The following RBPJ variants were observed in gnomAD, a reference collection of about 807,000 sequenced individuals.
RBPJ encodes recombining binding protein suppressor of hairless.
Under a neutral mutation model 67.8 loss-of-function variants are expected in RBPJ, and 9 were observed. That is an observed-to-expected ratio of 0.13 (90% CI 0.08 to 0.23). The LOEUF (loss-of-function observed/expected upper bound fraction) is 0.23, where lower values mean the gene tolerates loss of function less well. RBPJ is among the 10% of genes least tolerant of loss of function. RBPJ has a pLI of 1.00. For missense variants in RBPJ, 305 were observed against 595.6 expected, an observed-to-expected ratio of 0.51 and a Z score of 5.08; for synonymous variants, 198 against 203.3, an observed-to-expected ratio of 0.97 and a Z score of 0.22.
chr4:26,337,572 T>C (rs1422268407), intron 1 of RBPJ, among the ~76,000 whole-genome samples: 1 of 152,036 alleles, frequency 6.6e-6, no homozygotes, highest in East Asian at 1.9e-4. Flanking sequence ...TCTGTGCATG[T>C]GTGAAGGTAA....
chr4:26,393,874 C>T lies in RBPJ; in HGVS notation c.59+7483C>T, dbSNP rs551975774. ...AAATCTTTGAAACACTATTCTTACT[C>T]CCATTTTCCAAATTAAGCAATATTG... On this transcript the variant is annotated intron_variant, in intron 2 of 10. Coordinates refer to ENST00000355476, the MANE Select transcript of RBPJ (RefSeq NM_015874.6). Among the ~76,000 whole-genome samples the T allele has an allele frequency of 1.3e-4, 20 of 152,082 alleles. No homozygotes were observed. In the East Asian group the frequency reaches 2.5e-3, roughly 19 times the overall value.
At chr4:26,410,101 C>G in intron 3 of RBPJ, 1 of 451,922 alleles carries the variant, frequency 2.2e-6, no homozygotes, top group Admixed American at 2.4e-5. Context: ...GTCAAACTGC[C>G]CTGGATTCAG....
intron 1 of RBPJ, among the ~76,000 whole-genome samples, chr4:26,270,091 G>A (rs184811042): frequency 1.7e-4 from 26 of 151,440 alleles, no homozygotes; most frequent in South Asian, 1.7e-3. Context: ...AGACCAGTCC[G>A]GGCAACATGG....
intron 1 of RBPJ, among the ~76,000 whole-genome samples, chr4:26,302,993 C>T (rs1195560913): frequency 2.0e-5 from 3 of 151,518 alleles, no homozygotes; most frequent in Non-Finnish European, 2.9e-5. Context: ...CCAGACTGGC[C>T]AACATAGTCA....
At chr4:26,109,430 C>G in the RBPJ span, among the ~76,000 whole-genome samples, 2 of 27,242 alleles carry the variant, frequency 7.3e-5, no homozygotes. Flanking sequence ...CTCTCCCTCT[C>G]TCTCTCTCTC....
rs140318697 is a variant in RBPJ, at chr4:26,241,913, T to C, written c.-167+78299T>C. ...AGAATTTGAAGCAGTACTTCATATG[T>C]TTCACTGATTAATGCTACCAGTAGC... is the stretch of plus-strand genomic sequence containing the variant. On this transcript the variant is annotated intron_variant, in intron 1 of 4. Coordinates refer to the RBPJ transcript ENST00000512351. Among the ~76,000 whole-genome samples, 10 of 152,278 alleles carry C rather than the reference T, an allele frequency of 6.6e-5. No individual in the cohort carries two copies. The East Asian group carries it at 1.7e-3, about 26-fold the overall frequency.
intron 1 of RBPJ, among the ~76,000 whole-genome samples, chr4:26,300,442 G>A (rs1397731): frequency 0.13 from 19,788 of 152,122 alleles, 2,257 homozygotes; most frequent in African/African-American, 0.31. Flanking sequence ...GAGCCTAAAC[G>A]GCAAACTTAA....
intron 2 of RBPJ, among the ~76,000 whole-genome samples, chr4:26,391,588 T>C (rs747409635): frequency 7.9e-5 from 12 of 152,196 alleles, no homozygotes; most frequent in Non-Finnish European, 1.5e-4. Context: ...AAATGTTGTT[T>C]ATTAGGCTAA....
intron 3 of RBPJ, chr4:26,409,913 G>A (rs1733852335): frequency 3.0e-6 from 1 of 335,110 alleles, no homozygotes; most frequent in Admixed American, 4.2e-5. Context: ...CAAAAATGAT[G>A]AAAAGGCCAG....
intron 5 of RBPJ, 167 bp downstream of exon 5, chr4:26,420,892 G>C (rs1735068210): frequency 5.3e-6 from 3 of 571,386 alleles, no homozygotes; most frequent in Non-Finnish European, 9.1e-6. Context: ...ACAGTATGTG[G>C]TCTAATGAAG....
intron 1 of RBPJ, among the ~76,000 whole-genome samples, chr4:26,296,080 T>C (rs1360520947): frequency 1.3e-5 from 2 of 152,200 alleles, no homozygotes; most frequent in African/African-American, 4.8e-5. Context: ...ACTGAATGTC[T>C]TTCCTTTGGG....
intron 1 of RBPJ, among the ~76,000 whole-genome samples, chr4:26,219,763 GT>G (rs1168574433): frequency 6.6e-6 from 1 of 151,632 alleles, no homozygotes; most frequent in Non-Finnish European, 1.5e-5. Context: ...GCAGAGTCAG[GT>G]TTTTTTTGTT....
At chr4:26,335,705 C>T (rs763072052) in intron 1 of RBPJ, among the ~76,000 whole-genome samples, 5 of 150,150 alleles carry the variant, frequency 3.3e-5, no homozygotes, top group Non-Finnish European at 7.4e-5. Flanking sequence ...CTGCAGCCTC[C>T]ACCTCCTGGG....
At chr4:26,342,062 T>C (rs1014132819) in intron 1 of RBPJ, among the ~76,000 whole-genome samples, 1 of 152,122 alleles carries the variant, frequency 6.6e-6, no homozygotes, top group Non-Finnish European at 1.5e-5. Flanking sequence ...GAAGCACAGA[T>C]GGTTGGACCC....
intron 1 of RBPJ, among the ~76,000 whole-genome samples, chr4:26,238,400 G>A (rs1201966013): frequency 6.6e-6 from 1 of 152,180 alleles, no homozygotes; most frequent in African/African-American, 2.4e-5. Flanking sequence ...CAGCTTTCTT[G>A]TCTGTAAAAC....
intron 1 of RBPJ, among the ~76,000 whole-genome samples, chr4:26,197,828 A>G (rs1412057362): frequency 2.0e-5 from 3 of 152,012 alleles, no homozygotes; most frequent in African/African-American, 7.2e-5. Flanking sequence ...AGGGGAAGGG[A>G]AGGGAGGGGA....
At chr4:26,361,146 G>A (rs77380431) in intron 1 of RBPJ, among the ~76,000 whole-genome samples, 2,438 of 151,698 alleles carry the variant, frequency 0.016, 26 homozygotes, top group Non-Finnish European at 0.027. Context: ...GGACTAATGG[G>A]CTAAAATCAT....
chr4:26,244,962 G>A (rs1719877884), intron 1 of RBPJ, among the ~76,000 whole-genome samples: 1 of 151,430 alleles, frequency 6.6e-6, no homozygotes, highest in South Asian at 2.1e-4. Flanking sequence ...TATTTTAAAT[G>A]CCGATTGTTA....
At chr4:26,287,418 T>C (rs1721503031) in intron 1 of RBPJ, among the ~76,000 whole-genome samples, 2 of 151,230 alleles carry the variant, frequency 1.3e-5, no homozygotes, top group Admixed American at 6.6e-5. Context: ...CCAGACATGG[T>C]GGCATGCTCC....
Sources: allele counts gnomAD v4.1 joint callset (sites outside exome capture counted in the v4.1 genomes callset), GRCh38; gene constraint gnomAD v4.1.1; transcripts MANE v1.5; gene names NCBI Gene and HGNC (gene_info 2026-07-23, HGNC 2026-07-21).